HEBP1: variants seen among roughly 807,000 people sequenced by gnomAD.
HEBP1 encodes heme-binding protein 1.
In HEBP1, 13 loss-of-function variants were observed where a neutral mutation model predicts 20.4. That is an observed-to-expected ratio of 0.64 (90% CI 0.42 to 1.01). The LOEUF (loss-of-function observed/expected upper bound fraction) is 1.01. Ranked by LOEUF, HEBP1 falls within the 50% of genes least tolerant of loss-of-function variation. The pLI, the probability that HEBP1 is intolerant of heterozygous loss-of-function variation, is 0.00. For missense variants in HEBP1, 241 were observed against 247.3 expected, an observed-to-expected ratio of 0.97 and a Z score of 0.17; for synonymous variants, 92 against 90.7, an observed-to-expected ratio of 1.01 and a Z score of -0.08.
intron 1 of HEBP1, among the ~76,000 whole-genome samples, chr12:12,995,652 T>C (rs1864280214): frequency 6.6e-6 from 1 of 152,260 alleles, no homozygotes; most frequent in Non-Finnish European, 1.5e-5. Context: ...GATGGATTTG[T>C]AAAACTATTC....
chr12:12,980,970 C>T lies in HEBP1; in HGVS notation c.399-5491G>A, dbSNP rs550183544. ...GGCTCAGTTTCTGAGCAAAGACAGG[C>T]GATGTGATCAGTCCTGTGCCTTAGG... On this transcript the variant is annotated intron_variant, in intron 3 of 3. Coordinates refer to ENST00000014930, the MANE Select transcript of HEBP1 (RefSeq NM_015987.5). Among the ~76,000 whole-genome samples, 65 of 152,302 alleles carry T rather than the reference C, an allele frequency of 4.3e-4. 1 individual carries two copies. The South Asian group carries it at 0.012, about 27-fold the overall frequency.
chr12:12,982,158 T>C (rs1864093713), intron 3 of HEBP1, among the ~76,000 whole-genome samples: 1 of 152,166 alleles, frequency 6.6e-6, no homozygotes, highest in African/African-American at 2.4e-5. Context: ...TGTTATATTC[T>C]AGCCAAAGGC....
At chr12:12,993,486 CCTCTCTCTCTCT>C (rs113869518) in intron 1 of HEBP1, among the ~76,000 whole-genome samples, 54,420 of 134,760 alleles carry the variant, frequency 0.4, 13,027 homozygotes, top group Non-Finnish European at 0.53. Flanking sequence ...TTTTTCTTTT[CCTCTCTCTCTCT>C]CTCTCTCTCT....
At position 12,996,011 on chromosome 12, in the gene HEBP1, T is replaced by C. The variant is rs889742113; in HGVS notation, c.78+4026A>G. ...GGTCAGTTTTTTTCTTGCCACTTCA[T>C]GTAGTGGGTATACATGCTAATGTTG... is the stretch of plus-strand genomic sequence containing the variant. On this transcript the variant is annotated intron_variant, in intron 1 of 3. Coordinates refer to ENST00000014930, the MANE Select transcript of HEBP1 (RefSeq NM_015987.5). The surrounding 1 kb of genome is among the most constrained non-coding windows in gnomAD (Gnocchi z 4.1). 1.3e-5 allele frequency among the ~76,000 whole-genome samples: 2 copies of C among 152,254 alleles called. No individual in the cohort carries two copies. Among genetic ancestry groups the C allele is most frequent in the East Asian group, 3.8e-4 (2 of 5,200 alleles).
rs756188364 is a variant in HEBP1, at chr12:12,987,119, C to T, written c.398+33G>A. The T allele has an allele frequency of 3.2e-6, 5 of 1,578,434 alleles. No individual in the cohort carries two copies. In the South Asian group the frequency reaches 5.6e-5, roughly 18 times the overall value. ...AAGGAGTGGTACGGGAATCAAGCGC[C>T]ACCCATGGATGCCTGAAGGATTGTC... On this transcript the variant is annotated intron_variant, in intron 3 of 3. Transcript: ENST00000014930.
chr12:12,994,103 C>T (rs1207517313), intron 1 of HEBP1, among the ~76,000 whole-genome samples: 2 of 152,188 alleles, frequency 1.3e-5, no homozygotes, highest in Non-Finnish European at 2.9e-5. Flanking sequence ...AGGAGTATTA[C>T]ACAAATTATT....
chr12:12,992,015 T>C (rs1864230279), intron 1 of HEBP1, among the ~76,000 whole-genome samples: 1 of 152,228 alleles, frequency 6.6e-6, no homozygotes, highest in African/African-American at 2.4e-5. Flanking sequence ...ACAATGATTA[T>C]GAAAAACAGA....
At chr12:12,990,835 G>A (rs191287465) in intron 1 of HEBP1, among the ~76,000 whole-genome samples, 1 of 152,282 alleles carries the variant, frequency 6.6e-6, no homozygotes, top group East Asian at 1.9e-4. Flanking sequence ...CAGTGCGTGA[G>A]ATATTTTCCA....
At chr12:12,991,349 G>A (rs1396438572) in intron 1 of HEBP1, among the ~76,000 whole-genome samples, 2 of 152,156 alleles carry the variant, frequency 1.3e-5, no homozygotes, top group African/African-American at 2.4e-5. Flanking sequence ...TGTTCACACC[G>A]TGCTCCCAGA....
Position 12,998,542 on chromosome 12 carries a change from G to A in HEBP1, c.78+1495C>T, listed in dbSNP as rs1382301172. Among the ~76,000 whole-genome samples, 2 of 152,118 alleles carry A rather than the reference G, an allele frequency of 1.3e-5. No homozygotes were observed. The highest frequency in any genetic ancestry group is 1.3e-4 in the Admixed American group (2 of 15,278). On this transcript the variant is annotated intron_variant, in intron 1 of 3. Coordinates refer to ENST00000014930, the MANE Select transcript of HEBP1 (RefSeq NM_015987.5). This position sits in a 1 kb window ranked among gnomAD's most constrained non-coding sequence, Gnocchi z 4.2. The stretch of plus-strand genomic sequence containing the variant: ...TCCATTACCTGCCTGGTTGCTGCAG[G>A]TATTCAAATGTGGGACCTCTGATCA...
rs1343903375 is a variant in HEBP1, at chr12:12,996,809, C to T, written c.78+3228G>A. Among the ~76,000 whole-genome samples the T allele has an allele frequency of 6.6e-6, 1 of 152,152 alleles. No individual in the cohort carries two copies. The highest frequency in any genetic ancestry group is 1.5e-5 in the Non-Finnish European group (1 of 68,032). On this transcript the variant is annotated intron_variant, in intron 1 of 3. Transcript: ENST00000014930. This position sits in a 1 kb window ranked among gnomAD's most constrained non-coding sequence, Gnocchi z 4.1. ...CTACAGTAAAGCTAACCATTACCAT[C>T]TCCAACCAAGTACTAACATTGAACA...
rs780522020 is a variant in HEBP1, at chr12:12,989,404, G to A, written c.90C>T (p.Ala30=). ...CGCCTTCACAGGCCCTTTCTTCATA[G>A]GCAACTTCTTCCTAGAGAGAGAGAA... ...VLSKGDKEEV[A]YEERACEGGK... Residue 30 remains alanine (A), a synonymous_variant, in exon 2 of 4, where the codon GCC becomes GCT. Transcript: ENST00000014930. 21 of 1,614,156 alleles carry A rather than the reference G, an allele frequency of 1.3e-5. No homozygotes were observed. The highest frequency in any genetic ancestry group is 1.6e-5 in the Non-Finnish European group (19 of 1,180,008).
chr12:12,993,409 G>T (rs1864250639), intron 1 of HEBP1, among the ~76,000 whole-genome samples: 1 of 150,216 alleles, frequency 6.7e-6, no homozygotes, highest in Non-Finnish European at 1.5e-5. Context: ...TGCCCAAGCT[G>T]GTCTCAAACT....
intron 3 of HEBP1, chr12:12,983,291 A>G (rs1864110105): frequency 5.6e-6 from 1 of 177,030 alleles, no homozygotes; most frequent in Non-Finnish European, 1.2e-5. Context: ...GGATAATTCT[A>G]TTGCCTCTTG....
intron 3 of HEBP1, 117 bp from the exon 4 acceptor site, chr12:12,975,596 A>G: frequency 1.2e-6 from 1 of 822,484 alleles, no homozygotes; most frequent in East Asian, 3.1e-5. Context: ...GAGTGGTAAG[A>G]CTGGGGACTG....
rs548854765 is a variant in HEBP1 at position 12,987,229 on chromosome 12, T to C, written c.321A>G (p.Gln107=). The C allele has an allele frequency of 1.9e-6, 3 of 1,614,118 alleles. No individual in the cohort carries two copies. Among genetic ancestry groups the C allele is most frequent in the South Asian group, 2.2e-5 (2 of 91,082 alleles). Residue 107 remains glutamine (Q), a synonymous_variant, in exon 3 of 4, where the codon CAA becomes CAG. Coordinates refer to ENST00000014930, the MANE Select transcript of HEBP1 (RefSeq NM_015987.5). The part of the protein sequence containing the change: ...KLKVWFRIPN[Q]FQSDPPAPSD... ...TGGGAGCTGGTGGGTCGCTTTGAAA[T>C]TGGTTTGGAATCCGGAACCAGACTT...
chr12:12,992,201 T>C, intron 1 of HEBP1, among the ~76,000 whole-genome samples: 1 of 152,034 alleles, frequency 6.6e-6, no homozygotes, highest in East Asian at 1.9e-4. Flanking sequence ...AATGAGCATA[T>C]TTAATATTTA....
chr12:12,986,985 C>T lies in HEBP1; in HGVS notation c.398+167G>A, dbSNP rs1864160419. 4.6e-6 allele frequency: 3 copies of T among 653,564 alleles called. No individual in the cohort carries two copies. Among genetic ancestry groups the T allele is most frequent in the South Asian group, 1.9e-5 (1 of 51,554 alleles). 40.5% of individuals were successfully genotyped at this position (653,564 alleles called of 1,614,324 possible). The stretch of plus-strand genomic sequence containing the variant: ...CTGATAAAATGCAAATGTGTGTGTG[C>T]TGCAGCCTGAAGAAATTAAAATGAG... On this transcript the variant is annotated intron_variant, in intron 3 of 3. Coordinates refer to ENST00000014930, the MANE Select transcript of HEBP1 (RefSeq NM_015987.5). This position sits in a 1 kb window ranked among gnomAD's most constrained non-coding sequence, Gnocchi z 4.3.
intron 1 of HEBP1, among the ~76,000 whole-genome samples, chr12:12,995,956 C>T (rs542099996): frequency 1.3e-5 from 2 of 152,338 alleles, no homozygotes; most frequent in Non-Finnish European, 2.9e-5. Context: ...AAGAATGCCT[C>T]TGGCTATGGG....
Sources: allele counts gnomAD v4.1 joint callset (sites outside exome capture counted in the v4.1 genomes callset), GRCh38; gene constraint gnomAD v4.1.1; non-coding constraint Gnocchi (gnomAD v3.1); transcripts MANE v1.5; gene names NCBI Gene and HGNC (gene_info 2026-07-23, HGNC 2026-07-21).